Variants in NCKAP5 observed in about 807,000 individuals in gnomAD.
The protein encoded by NCKAP5 is NCK associated protein 5, also known as nck-associated protein 5.
In NCKAP5, 92 loss-of-function variants were observed where a neutral mutation model predicts 167.0. That is an observed-to-expected ratio of 0.55 (90% CI 0.47 to 0.66). The LOEUF (loss-of-function observed/expected upper bound fraction) is 0.66, where lower values mean the gene tolerates loss of function less well. Among genes scored for constraint, NCKAP5 ranks in the 30% least tolerant of loss-of-function variants. The pLI is 0.00. For missense variants in NCKAP5, 2,378 were observed against 2,315.0 expected (o/e 1.03, Z -0.56); for synonymous variants, 891 against 877.4 (o/e 1.02, Z -0.27).
At chr2:133,121,976 C>G (rs1317951802) in intron 6 of NCKAP5, 1 of 152,150 alleles carries the variant, frequency 6.6e-6, no homozygotes, top group Non-Finnish European at 1.5e-5. Context: ...GAAGCCAGAC[C>G]AAAAAGTTCC....
chr2:133,615,477 A>G, the NCKAP5 span, among the ~76,000 whole-genome samples: 1 of 150,378 alleles, frequency 6.6e-6, no homozygotes. Context: ...AATGGAAAAC[A>G]AAAAAAAAGC....
Position 133,357,033 on chromosome 2 carries a change from A to G in NCKAP5, c.70-53923T>C, listed in dbSNP as rs189349251. 3.9e-5 allele frequency among the ~76,000 whole-genome samples: 6 copies of G among 152,298 alleles called. No homozygotes were observed. In the East Asian group the frequency reaches 9.6e-4, roughly 24 times the overall value. ...AGATATATTTGCACTAATTGTTTCA[A>G]TTTGACTGAAGTATGTCATCTCTGC... On this transcript the variant is annotated intron_variant, in intron 3 of 19. Transcript: ENST00000409261.
chr2:133,534,538 T>C (rs1434597026), intron 2 of NCKAP5, among the ~76,000 whole-genome samples: 1 of 152,102 alleles, frequency 6.6e-6, no homozygotes, highest in Non-Finnish European at 1.5e-5. Flanking sequence ...CTACATTCTG[T>C]CTCCATGGAT....
At chr2:133,322,669 T>C (rs773640475) in intron 3 of NCKAP5, among the ~76,000 whole-genome samples, 1 of 152,206 alleles carries the variant, frequency 6.6e-6, no homozygotes, top group Non-Finnish European at 1.5e-5. Flanking sequence ...CTTCTAACAA[T>C]TGCATTTGAG....
chr2:133,044,467 A>C (rs1036545), intron 6 of NCKAP5, among the ~76,000 whole-genome samples: 1 of 152,006 alleles, frequency 6.6e-6, no homozygotes. Flanking sequence ...GGGCCCATAA[A>C]CATGTAATAA....
At chr2:132,695,362 G>A (rs898981400) in intron 19 of NCKAP5, among the ~76,000 whole-genome samples, 2 of 152,144 alleles carry the variant, frequency 1.3e-5, no homozygotes, top group Non-Finnish European at 2.9e-5. Flanking sequence ...CTGGAAGGTC[G>A]GTTGAGAGTG....
intron 5 of NCKAP5, among the ~76,000 whole-genome samples, chr2:133,139,622 C>T (rs1421746387): frequency 6.6e-6 from 1 of 152,150 alleles, no homozygotes; most frequent in African/African-American, 2.4e-5. Context: ...AGGAGAATGA[C>T]AGAATCTAAA....
At chr2:133,581,955 C>G in the NCKAP5 span, among the ~76,000 whole-genome samples, 1 of 152,132 alleles carries the variant, frequency 6.6e-6, no homozygotes, top group Admixed American at 6.5e-5. Flanking sequence ...AGAAATGGAT[C>G]AAGAGGATGT....
At chr2:132,771,836 CTAAT>C in intron 16 of NCKAP5, among the ~76,000 whole-genome samples, 1 of 132,436 alleles carries the variant, frequency 7.6e-6, no homozygotes, top group Non-Finnish European at 1.6e-5. Flanking sequence ...CCACGCCCGG[CTAAT>C]TTTTTTTTTT....
intron 19 of NCKAP5, among the ~76,000 whole-genome samples, chr2:132,716,672 T>C (rs549349059): frequency 4.6e-5 from 7 of 152,148 alleles, no homozygotes; most frequent in African/African-American, 1.7e-4. Flanking sequence ...AAATGTCTCA[T>C]TAGGGTCCCC....
chr2:133,602,058 G>A, the NCKAP5 span, among the ~76,000 whole-genome samples: 11 of 152,164 alleles, frequency 7.2e-5, no homozygotes, highest in South Asian at 2.1e-3. Context: ...TTGAGGGAAC[G>A]AGAGAGAGAG....
intron 19 of NCKAP5, among the ~76,000 whole-genome samples, chr2:132,694,076 T>C (rs11898111): frequency 0.039 from 5,857 of 151,846 alleles, 355 homozygotes; most frequent in African/African-American, 0.13. Flanking sequence ...TTTTAACTGA[T>C]GGGAAAAGGA....
chr2:133,262,860 G>A lies in NCKAP5; in HGVS notation c.143+40177C>T, dbSNP rs552939182. On this transcript the variant is annotated intron_variant, in intron 4 of 19. Transcript: ENST00000409261. ...GCCCCTTGGTAAATATTTACTGGGT[G>A]ATGGCACAAATAATAGGGCCGCTGA... Among the ~76,000 whole-genome samples the A allele has an allele frequency of 4.6e-4, 70 of 152,326 alleles. 1 individual carries two copies. The highest frequency in any genetic ancestry group is 4.4e-5 in the Non-Finnish European group (3 of 68,012).
chr2:133,471,573 G>T (rs1395337033), intron 3 of NCKAP5, among the ~76,000 whole-genome samples: 1 of 152,108 alleles, frequency 6.6e-6, no homozygotes, highest in African/African-American at 2.4e-5. Flanking sequence ...TCAAGCTGTG[G>T]GTTGGTTGGG....
At chr2:133,453,101 T>C (rs1691650254) in intron 3 of NCKAP5, among the ~76,000 whole-genome samples, 2 of 152,082 alleles carry the variant, frequency 1.3e-5, no homozygotes, top group African/African-American at 4.8e-5. Flanking sequence ...CAGAAAACAA[T>C]AGAACTTGAA....
At chr2:133,116,611 CG>C (rs1318723270) in intron 6 of NCKAP5, among the ~76,000 whole-genome samples, 1 of 148,942 alleles carries the variant, frequency 6.7e-6, no homozygotes, top group Non-Finnish European at 1.5e-5. Flanking sequence ...TTTAGTAAAA[CG>C]GTATATATCT....
chr2:133,292,006 G>A (rs970309640), intron 4 of NCKAP5, among the ~76,000 whole-genome samples: 4 of 152,148 alleles, frequency 2.6e-5, no homozygotes, highest in African/African-American at 9.7e-5. Flanking sequence ...CCCCTCCCCA[G>A]GGTTGGAAAG....
At chr2:132,752,851 C>A (rs1680231243) in intron 16 of NCKAP5, among the ~76,000 whole-genome samples, 1 of 152,098 alleles carries the variant, frequency 6.6e-6, no homozygotes, top group Admixed American at 6.5e-5. Flanking sequence ...AAGCTCAAGA[C>A]CCATGAAGAG....
chr2:133,593,672 T>C, the NCKAP5 span, among the ~76,000 whole-genome samples: 126 of 152,306 alleles, frequency 8.3e-4, no homozygotes, highest in African/African-American at 2.8e-3. Flanking sequence ...TACTTTTAAT[T>C]TGTATGAGTA....
Sources: gnomAD v4.1 joint callset for allele counts (sites outside exome capture counted in the v4.1 genomes callset) on GRCh38, gnomAD v4.1.1 for gene constraint, MANE v1.5 for transcripts, NCBI Gene and HGNC (gene_info 2026-07-23, HGNC 2026-07-21) for gene names.